NELL1: variants seen among roughly 807,000 people sequenced by gnomAD.
The protein encoded by NELL1 is neural EGFL like 1, also known as protein kinase C-binding protein NELL1.
NELL1 carries 76 observed loss-of-function variants against 107.4 expected under a neutral mutation model. That is an observed-to-expected ratio of 0.71 (90% CI 0.59 to 0.86). The LOEUF (loss-of-function observed/expected upper bound fraction) is 0.86. Ranked by LOEUF, NELL1 falls within the 40% of genes least tolerant of loss-of-function variation. NELL1 has a pLI of 0.00. For synonymous variants in NELL1, 353 were observed against 341.2 expected (o/e 1.03, Z -0.38); for missense variants, 1,024 against 1,005.5 (o/e 1.02, Z -0.25).
intron 9 of NELL1, among the ~76,000 whole-genome samples, chr11:20,935,519 C>G (rs544387308): frequency 2.0e-4 from 31 of 152,178 alleles, no homozygotes; most frequent in Non-Finnish European, 3.7e-4. Context: ...GGGCTGTGAA[C>G]CTTGGGAGAT....
chr11:21,082,748 CA>C (rs1444518259), intron 12 of NELL1, among the ~76,000 whole-genome samples: 4 of 152,168 alleles, frequency 2.6e-5, no homozygotes, highest in Non-Finnish European at 5.9e-5. Flanking sequence ...TTTTCCTACA[CA>C]AGCTCTATAT....
intron 15 of NELL1, among the ~76,000 whole-genome samples, chr11:21,395,479 A>C (rs1452765213): frequency 6.6e-6 from 1 of 151,642 alleles, no homozygotes; most frequent in Admixed American, 6.6e-5. Flanking sequence ...CAAATAAAAC[A>C]CATGGAAAGA....
chr11:21,230,056 A>T (rs965413420), intron 14 of NELL1, among the ~76,000 whole-genome samples: 5 of 152,094 alleles, frequency 3.3e-5, no homozygotes, highest in African/African-American at 1.2e-4. Flanking sequence ...TTCCTTCAGC[A>T]TTGTTGTTGC....
At chr11:21,374,153 T>G (rs1424563643) in intron 15 of NELL1, among the ~76,000 whole-genome samples, 1 of 151,958 alleles carries the variant, frequency 6.6e-6, no homozygotes, top group African/African-American at 2.4e-5. Context: ...TAAGACTAAG[T>G]TTTCTATTTG....
intron 15 of NELL1, among the ~76,000 whole-genome samples, chr11:21,427,429 G>A (rs1003451012): frequency 2.6e-5 from 4 of 152,246 alleles, no homozygotes; most frequent in East Asian, 1.9e-4. Flanking sequence ...TTTTTACAGC[G>A]AACTTCAACT....
chr11:20,886,198 A>G (rs751268618), intron 5 of NELL1, among the ~76,000 whole-genome samples: 5 of 152,064 alleles, frequency 3.3e-5, no homozygotes, highest in African/African-American at 9.7e-5. Flanking sequence ...CTAAACCTCA[A>G]CATCATGCAG....
At chr11:20,796,046 C>T (rs1341091339) in intron 3 of NELL1, among the ~76,000 whole-genome samples, 1 of 152,084 alleles carries the variant, frequency 6.6e-6, no homozygotes, top group Non-Finnish European at 1.5e-5. Context: ...TCATACATCT[C>T]GTATATCAAG....
chr11:21,396,674 T>C (rs2133790782), intron 15 of NELL1, among the ~76,000 whole-genome samples: 1 of 151,788 alleles, frequency 6.6e-6, no homozygotes, highest in East Asian at 2.0e-4. Flanking sequence ...TATGAGAGGT[T>C]TAGATCTTTG....
At chr11:20,905,002 ATTTTTTT>A (rs201231648) in intron 5 of NELL1, among the ~76,000 whole-genome samples, 1 of 129,616 alleles carries the variant, frequency 7.7e-6, no homozygotes, top group African/African-American at 2.9e-5. Flanking sequence ...CTAATTTTTA[ATTTTTTT>A]TTTTTTTTTT....
intron 15 of NELL1, among the ~76,000 whole-genome samples, chr11:21,468,622 G>GA (rs1854093104): frequency 6.6e-6 from 1 of 151,798 alleles, no homozygotes; most frequent in East Asian, 1.9e-4. Flanking sequence ...ACTGGAAAGT[G>GA]AAAAAAAATG....
chr11:21,242,060 A>T lies in NELL1; in HGVS notation c.1549+12606A>T, dbSNP rs190102015. Among the ~76,000 whole-genome samples, 18 of 151,972 alleles carry T rather than the reference A, an allele frequency of 1.2e-4. No individual in the cohort carries two copies. The East Asian group carries it at 2.1e-3, about 18-fold the overall frequency. Reference sequence around the variant, plus strand: ...TGAATAGATATGATGGCATTTTCAAATTTTTTTCTCACTCTCAGCTCCTAA... The same window carrying T: ...TGAATAGATATGATGGCATTTTCAATTTTTTTTCTCACTCTCAGCTCCTAA... On this transcript the variant is annotated intron_variant, in intron 14 of 19. Transcript: ENST00000357134.
intron 14 of NELL1, among the ~76,000 whole-genome samples, chr11:21,255,805 C>T (rs933828617): frequency 6.6e-6 from 1 of 151,946 alleles, no homozygotes; most frequent in South Asian, 2.1e-4. Flanking sequence ...ACTTTTTACT[C>T]TTCTCACTTC....
chr11:21,037,200 T>A (rs932275155), intron 12 of NELL1, among the ~76,000 whole-genome samples: 2 of 151,708 alleles, frequency 1.3e-5, no homozygotes, highest in African/African-American at 4.8e-5. Context: ...ATGTGGCTAA[T>A]GTGAGAAGCC....
At chr11:20,912,834 A>C (rs1015634366) in intron 5 of NELL1, among the ~76,000 whole-genome samples, 4 of 152,192 alleles carry the variant, frequency 2.6e-5, no homozygotes, top group Non-Finnish European at 4.4e-5. Flanking sequence ...CACATTGAAA[A>C]AGAAGCTATA....
At chr11:20,887,304 T>G (rs929982115) in intron 5 of NELL1, among the ~76,000 whole-genome samples, 1 of 152,228 alleles carries the variant, frequency 6.6e-6, no homozygotes, top group East Asian at 1.9e-4. Context: ...ACTATAAACA[T>G]TTGCATACAG....
chr11:21,125,772 G>C (rs1855473649), intron 13 of NELL1, among the ~76,000 whole-genome samples: 1 of 152,196 alleles, frequency 6.6e-6, no homozygotes, highest in South Asian at 2.1e-4. Flanking sequence ...CCTGTTGCTT[G>C]AGAAATAGAT....
At chr11:21,052,388 C>G (rs1028510592) in intron 12 of NELL1, among the ~76,000 whole-genome samples, 2 of 151,984 alleles carry the variant, frequency 1.3e-5, no homozygotes, top group Admixed American at 6.6e-5. Flanking sequence ...AGGCAGATCA[C>G]TTAGGAGGCT....
intron 6 of NELL1, among the ~76,000 whole-genome samples, chr11:20,918,988 TGA>T (rs989422239): frequency 3.3e-5 from 5 of 152,022 alleles, no homozygotes; most frequent in African/African-American, 9.7e-5. Flanking sequence ...CCTATAAAAA[TGA>T]GAGTTTAATT....
intron 12 of NELL1, among the ~76,000 whole-genome samples, chr11:21,046,135 T>C (rs1463683535): frequency 6.6e-6 from 1 of 152,182 alleles, no homozygotes; most frequent in African/African-American, 2.4e-5. Context: ...TAAGTCTCTG[T>C]AAGGTATAGA....
Sources: gnomAD v4.1 joint callset for allele counts (sites outside exome capture counted in the v4.1 genomes callset) on GRCh38, gnomAD v4.1.1 for gene constraint, MANE v1.5 for transcripts, NCBI Gene and HGNC (gene_info 2026-07-23, HGNC 2026-07-21) for gene names.